CTNND2: variants seen among roughly 807,000 people sequenced by gnomAD.
CTNND2 encodes the protein catenin delta-2.
CTNND2 carries 22 observed loss-of-function variants against 144.4 expected under a neutral mutation model. That is an observed-to-expected ratio of 0.15 (90% CI 0.11 to 0.22). CTNND2 has a LOEUF of 0.22. CTNND2 is among the 10% of genes least tolerant of loss of function. The pLI is 1.00. For missense variants in CTNND2, 1,353 were observed against 1,618.8 expected (o/e 0.84, Z 2.82); for synonymous variants, 751 against 695.6 (o/e 1.08, Z -1.25).
chr5:11,504,932 C>G (rs918987772), intron 3 of CTNND2, among the ~76,000 whole-genome samples: 4 of 152,084 alleles, frequency 2.6e-5, no homozygotes, highest in Admixed American at 6.5e-5. Flanking sequence ...TGGTAAGCCT[C>G]CCATCCACAG....
intron 3 of CTNND2, among the ~76,000 whole-genome samples, chr5:11,521,190 A>G (rs1772687505): frequency 6.6e-6 from 1 of 152,192 alleles, no homozygotes; most frequent in African/African-American, 2.4e-5. Context: ...ATGTGGCCAT[A>G]TATTTCTTAA....
intron 2 of CTNND2, among the ~76,000 whole-genome samples, chr5:11,713,472 A>G (rs1185830114): frequency 6.7e-6 from 1 of 150,228 alleles, no homozygotes; most frequent in Non-Finnish European, 1.5e-5. Flanking sequence ...CCAGCTACTC[A>G]GGAGGTTGAG....
chr5:11,428,958 T>C (rs1763032269), intron 3 of CTNND2, among the ~76,000 whole-genome samples: 2 of 152,310 alleles, frequency 1.3e-5, no homozygotes, highest in East Asian at 3.9e-4. Flanking sequence ...CAAATCCTTT[T>C]ATGAAAACAA....
At chr5:11,559,487 T>C (rs775788883) in intron 3 of CTNND2, among the ~76,000 whole-genome samples, 23 of 152,186 alleles carry the variant, frequency 1.5e-4, no homozygotes, top group Admixed American at 9.8e-4. Flanking sequence ...ATCCCTTCAA[T>C]AGTAAAATGG....
At chr5:11,477,806 G>A (rs1194278965) in intron 3 of CTNND2, among the ~76,000 whole-genome samples, 4 of 152,168 alleles carry the variant, frequency 2.6e-5, no homozygotes, top group Non-Finnish European at 5.9e-5. Flanking sequence ...TTCATGAGGT[G>A]ATGGCATCCA....
intron 2 of CTNND2, among the ~76,000 whole-genome samples, chr5:11,637,979 C>A (rs974351850): frequency 6.6e-6 from 1 of 152,066 alleles, no homozygotes; most frequent in South Asian, 2.1e-4. Flanking sequence ...TGTAAAGAAC[C>A]GGTCTCTAAA....
At chr5:11,177,399 T>C (rs1321104397) in intron 11 of CTNND2, among the ~76,000 whole-genome samples, 2 of 152,142 alleles carry the variant, frequency 1.3e-5, no homozygotes, top group Non-Finnish European at 2.9e-5. Flanking sequence ...ACACTGTCTA[T>C]AGTCAGGACA....
intron 18 of CTNND2, among the ~76,000 whole-genome samples, chr5:10,999,883 T>C (rs1369673868): frequency 1.3e-5 from 2 of 152,218 alleles, no homozygotes; most frequent in Non-Finnish European, 2.9e-5. Context: ...CTTATGAAAC[T>C]TTATTATTCC....
intron 8 of CTNND2, among the ~76,000 whole-genome samples, chr5:11,348,245 TTTC>T (rs1195152390): frequency 6.6e-6 from 1 of 152,042 alleles, no homozygotes; most frequent in Non-Finnish European, 1.5e-5. Flanking sequence ...GGATTTATCG[TTTC>T]TCCAAAGTAT....
intron 10 of CTNND2, among the ~76,000 whole-genome samples, chr5:11,213,622 A>G (rs776854524): frequency 5.3e-4 from 80 of 152,238 alleles, no homozygotes; most frequent in Non-Finnish European, 9.4e-4. Flanking sequence ...TGAAATTTAC[A>G]AAATTATGTA....
chr5:11,381,720 C>G (rs1214012603), intron 7 of CTNND2, among the ~76,000 whole-genome samples: 1 of 152,192 alleles, frequency 6.6e-6, no homozygotes, highest in Non-Finnish European at 1.5e-5. Flanking sequence ...GTAATCCCAG[C>G]ACTTTGGGAG....
chr5:11,891,911 T>G (rs1736993586), intron 1 of CTNND2, among the ~76,000 whole-genome samples: 1 of 152,188 alleles, frequency 6.6e-6, no homozygotes, highest in South Asian at 2.1e-4. Context: ...GTTATTAAAT[T>G]TGGAAATATT....
chr5:11,721,547 GCTTTGGTCCTCTATCTCCAAATAT>G (rs1176022247), intron 2 of CTNND2, among the ~76,000 whole-genome samples: 1 of 152,194 alleles, frequency 6.6e-6, no homozygotes, highest in Non-Finnish European at 1.5e-5. Flanking sequence ...ACCACCATCT[GCTTTGGTCCTCTATCTCCAAATAT>G]CAATGAGGAC....
intron 2 of CTNND2, among the ~76,000 whole-genome samples, chr5:11,576,951 T>C (rs1727682786): frequency 6.6e-6 from 1 of 152,200 alleles, no homozygotes. Flanking sequence ...AATATGGTGG[T>C]ACTGCTGCTG....
chr5:11,825,114 A>C (rs1206137773), intron 1 of CTNND2, among the ~76,000 whole-genome samples: 1 of 152,192 alleles, frequency 6.6e-6, no homozygotes, highest in African/African-American at 2.4e-5. Flanking sequence ...AAGAAAAAAA[A>C]CTACCAGGAA....
At chr5:11,545,440 G>A (rs1161267873) in intron 3 of CTNND2, among the ~76,000 whole-genome samples, 2 of 151,708 alleles carry the variant, frequency 1.3e-5, no homozygotes, top group African/African-American at 4.8e-5. Context: ...GGGAGGCTGA[G>A]GTGGGTGGAT....
intron 12 of CTNND2, among the ~76,000 whole-genome samples, chr5:11,142,816 G>A (rs1756873826): frequency 6.6e-6 from 1 of 151,962 alleles, no homozygotes; most frequent in African/African-American, 2.4e-5. Context: ...GTTTCACCGT[G>A]TTAGCCAGGA....
chr5:11,687,273 G>A (rs992185984), intron 2 of CTNND2, among the ~76,000 whole-genome samples: 1 of 152,208 alleles, frequency 6.6e-6, no homozygotes, highest in Non-Finnish European at 1.5e-5. Flanking sequence ...ACTGTCACAT[G>A]TACCCAACTG....
At chr5:11,674,554 G>T (rs778215979) in intron 2 of CTNND2, among the ~76,000 whole-genome samples, 13 of 152,182 alleles carry the variant, frequency 8.5e-5, no homozygotes, top group East Asian at 1.9e-4. Flanking sequence ...TTACCTTAGG[G>T]TTCAGTCTTG....
Sources: allele counts gnomAD v4.1 joint callset (sites outside exome capture counted in the v4.1 genomes callset), GRCh38; gene constraint gnomAD v4.1.1; transcripts MANE v1.5; gene names NCBI Gene and HGNC (gene_info 2026-07-23, HGNC 2026-07-21).